Variants in UGT2A1 observed in about 807,000 individuals in gnomAD.
The protein encoded by UGT2A1 is UDP glucuronosyltransferase family 2 member A1 complex locus.
In UGT2A1, 61 loss-of-function variants were observed where a neutral mutation model predicts 45.4. The ratio of observed to expected loss-of-function variants is 1.34; its 90% CI spans 1.09 to 1.66. UGT2A1 has a LOEUF of 1.66. UGT2A1 is among the 40% of genes most tolerant of loss of function. The pLI, the probability that UGT2A1 is intolerant of heterozygous loss-of-function variation, is 0.00. For missense variants in UGT2A1, 649 were observed against 574.3 expected, an observed-to-expected ratio of 1.13 and a Z score of -1.33; for synonymous variants, 229 against 196.2, an observed-to-expected ratio of 1.17 and a Z score of -1.40.
At chr4:69,612,627 GA>G (rs1246863335) in intron 3 of UGT2A1, among the ~76,000 whole-genome samples, 1 of 151,882 alleles carries the variant, frequency 6.6e-6, no homozygotes, top group Non-Finnish European at 1.5e-5. Flanking sequence ...AAGAAATAGG[GA>G]AACCACTCCC....
At chr4:69,596,473 T>C (rs1370826112) in intron 4 of UGT2A1, 4 of 1,360,724 alleles carry the variant, frequency 2.9e-6, no homozygotes, top group Non-Finnish European at 9.6e-7. Flanking sequence ...AATTAAGATA[T>C]ATGTCAGAGA....
chr4:69,631,335 T>C (rs553727150), intron 3 of UGT2A1, among the ~76,000 whole-genome samples: 104 of 152,210 alleles, frequency 6.8e-4, no homozygotes, highest in Non-Finnish European at 1.1e-3. Context: ...TATTTTATCA[T>C]AAAATTAAAA....
intron 2 of UGT2A1, among the ~76,000 whole-genome samples, chr4:69,642,107 C>A (rs902013553): frequency 6.6e-6 from 1 of 151,688 alleles, no homozygotes; most frequent in African/African-American, 2.4e-5. Flanking sequence ...CCAAAATTTA[C>A]AAATTATTTA....
At chr4:69,621,229 A>G (rs1236288493) in intron 3 of UGT2A1, among the ~76,000 whole-genome samples, 1 of 152,110 alleles carries the variant, frequency 6.6e-6, no homozygotes, top group Non-Finnish European at 1.5e-5. Context: ...GAATGAGAGA[A>G]AATATTTGCA....
chr4:69,635,095 A>T (rs1353557390), intron 3 of UGT2A1, among the ~76,000 whole-genome samples: 1 of 152,136 alleles, frequency 6.6e-6, no homozygotes, highest in East Asian at 1.9e-4. Flanking sequence ...ATATACTACT[A>T]TGTACCCACA....
At chr4:69,632,522 A>T (rs1479019727) in intron 3 of UGT2A1, among the ~76,000 whole-genome samples, 2 of 152,162 alleles carry the variant, frequency 1.3e-5, no homozygotes, top group Non-Finnish European at 2.9e-5. Flanking sequence ...ACCAACTAAA[A>T]ACAGGAGGGT....
At chr4:69,632,624 T>A (rs944436856) in intron 3 of UGT2A1, among the ~76,000 whole-genome samples, 1 of 152,120 alleles carries the variant, frequency 6.6e-6, no homozygotes. Flanking sequence ...GCACAATGAC[T>A]CAGGCCTGTA....
At chr4:69,610,184 T>G (rs1217091039) in intron 3 of UGT2A1, among the ~76,000 whole-genome samples, 5 of 152,128 alleles carry the variant, frequency 3.3e-5, no homozygotes, top group Non-Finnish European at 5.9e-5. Context: ...TATAAAATAT[T>G]TTTAAATGTG....
intron 2 of UGT2A1, chr4:69,638,878 A>C: frequency 6.5e-7 from 1 of 1,534,220 alleles, no homozygotes; most frequent in Non-Finnish European, 8.8e-7. Context: ...AGTCATTAAA[A>C]AGAGAAAATT....
At chr4:69,611,468 T>G (rs1203102389) in intron 3 of UGT2A1, among the ~76,000 whole-genome samples, 1 of 151,950 alleles carries the variant, frequency 6.6e-6, no homozygotes, top group African/African-American at 2.4e-5. Flanking sequence ...AATAAATGTA[T>G]GCACACACTA....
intron 2 of UGT2A1, chr4:69,639,598 G>C: frequency 6.2e-7 from 1 of 1,606,656 alleles, no homozygotes; most frequent in Non-Finnish European, 8.5e-7. Flanking sequence ...ACCAGCATCT[G>C]GACAAACTTC....
chr4:69,629,441 C>A (rs1467750149), intron 3 of UGT2A1, among the ~76,000 whole-genome samples: 1 of 152,060 alleles, frequency 6.6e-6, no homozygotes, highest in Non-Finnish European at 1.5e-5. Context: ...TTTTGTATAT[C>A]TGAGGTCTTG....
intron 3 of UGT2A1, among the ~76,000 whole-genome samples, chr4:69,621,113 C>T (rs1027452785): frequency 1.3e-5 from 2 of 151,942 alleles, no homozygotes; most frequent in Middle Eastern, 3.4e-3. Flanking sequence ...GACAAAGATG[C>T]CGAAAGCAAT....
chr4:69,618,553 A>C (rs1320468790), intron 3 of UGT2A1, among the ~76,000 whole-genome samples: 2 of 151,970 alleles, frequency 1.3e-5, no homozygotes, highest in Non-Finnish European at 1.5e-5. Flanking sequence ...ATTTAAACAG[A>C]CCATATTAAT....
intron 2 of UGT2A1, among the ~76,000 whole-genome samples, chr4:69,639,883 T>C (rs969235263): frequency 1.3e-5 from 2 of 152,062 alleles, no homozygotes; most frequent in East Asian, 1.9e-4. Flanking sequence ...ACCATCTACA[T>C]ATTCTGTGAT....
intron 3 of UGT2A1, among the ~76,000 whole-genome samples, chr4:69,620,148 G>A (rs1272297976): frequency 6.6e-6 from 1 of 151,910 alleles, no homozygotes; most frequent in African/African-American, 2.4e-5. Flanking sequence ...TCAGGCAAGA[G>A]AAAGAAATAA....
chr4:69,621,091 G>T (rs28776197), intron 3 of UGT2A1, among the ~76,000 whole-genome samples: 6,743 of 151,876 alleles, frequency 0.044, 199 homozygotes, highest in Middle Eastern at 0.071. Context: ...ATAGAAAAAG[G>T]AAATATTTTA....
chr4:69,632,637 C>T (rs1721449211), intron 3 of UGT2A1, among the ~76,000 whole-genome samples: 1 of 152,072 alleles, frequency 6.6e-6, no homozygotes, highest in East Asian at 1.9e-4. Flanking sequence ...GGCCTGTAAT[C>T]CCAGCACTTT....
At chr4:69,639,390 G>A in intron 2 of UGT2A1, 1 of 1,613,532 alleles carries the variant, frequency 6.2e-7, no homozygotes, top group East Asian at 2.2e-5. Context: ...GTAGGAAACA[G>A]GTATCACTTC....
Sources: allele counts gnomAD v4.1 joint callset (sites outside exome capture counted in the v4.1 genomes callset), GRCh38; gene constraint gnomAD v4.1.1; transcripts MANE v1.5; gene names NCBI Gene and HGNC (gene_info 2026-07-23, HGNC 2026-07-21).